Variants in ADAM18 observed in about 807,000 individuals in gnomAD.
ADAM18 encodes the protein ADAM metallopeptidase domain 18.
A neutral mutation model predicts 94.4 loss-of-function variants in ADAM18; 117 were observed. The observed-to-expected ratio is 1.24, with a 90% CI of 1.07 to 1.45. The LOEUF (loss-of-function observed/expected upper bound fraction) is 1.45, where lower values mean the gene tolerates loss of function less well. ADAM18 is among the 40% of genes most tolerant of loss of function. The pLI is 0.00. For missense variants in ADAM18, 936 were observed against 880.0 expected (o/e 1.06, Z -0.81); for synonymous variants, 327 against 291.6 (o/e 1.12, Z -1.24).
intron 10 of ADAM18, among the ~76,000 whole-genome samples, chr8:39,644,066 A>T (rs560607898): frequency 6.6e-6 from 1 of 152,164 alleles, no homozygotes. Context: ...ACATACAAAC[A>T]TGTACACAAT....
At chr8:39,669,316 A>G (rs1432333058) in intron 14 of ADAM18, among the ~76,000 whole-genome samples, 1 of 144,386 alleles carries the variant, frequency 6.9e-6, no homozygotes, top group Non-Finnish European at 1.5e-5. Context: ...TTTTTTTTAA[A>G]TTTTATTATT....
chr8:39,723,508 G>C (rs909016726), intron 18 of ADAM18, among the ~76,000 whole-genome samples: 1 of 151,516 alleles, frequency 6.6e-6, no homozygotes, highest in East Asian at 1.9e-4. Flanking sequence ...TAAGCTGAAT[G>C]CAGCAAACAG....
intron 16 of ADAM18, among the ~76,000 whole-genome samples, chr8:39,686,826 A>G (rs1427539778): frequency 6.6e-6 from 1 of 152,234 alleles, no homozygotes; most frequent in Non-Finnish European, 1.5e-5. Context: ...TTGTTGAACT[A>G]TTAGTTATTG....
chr8:39,648,140 G>A (rs1820435720), intron 11 of ADAM18, among the ~76,000 whole-genome samples: 1 of 152,192 alleles, frequency 6.6e-6, no homozygotes, highest in Non-Finnish European at 1.5e-5. Context: ...TTACCTTGAT[G>A]AGAAAATAGG....
chr8:39,708,671 C>T (rs76120878), intron 18 of ADAM18, among the ~76,000 whole-genome samples: 1 of 152,176 alleles, frequency 6.6e-6, no homozygotes, highest in African/African-American at 2.4e-5. Context: ...GTTCTCAACT[C>T]CTTGCAGGAG....
At chr8:39,662,752 G>A (rs1316671029) in intron 12 of ADAM18, among the ~76,000 whole-genome samples, 1 of 152,148 alleles carries the variant, frequency 6.6e-6, no homozygotes, top group Non-Finnish European at 1.5e-5. Context: ...AGCGTCCTGA[G>A]TAGCTGGGAT....
chr8:39,664,288 G>T (rs969290356), intron 13 of ADAM18, among the ~76,000 whole-genome samples: 2 of 152,072 alleles, frequency 1.3e-5, no homozygotes, highest in East Asian at 3.8e-4. Flanking sequence ...AAACAATACA[G>T]TATAACTATT....
intron 18 of ADAM18, among the ~76,000 whole-genome samples, chr8:39,711,798 G>C (rs1267017108): frequency 6.6e-6 from 1 of 151,918 alleles, no homozygotes; most frequent in Admixed American, 6.6e-5. Context: ...TTCTCATTTT[G>C]TGAGTACCAT....
At chr8:39,601,697 A>G (rs1818908293) in intron 2 of ADAM18, among the ~76,000 whole-genome samples, 1 of 152,242 alleles carries the variant, frequency 6.6e-6, no homozygotes. Context: ...AAGATAAAAT[A>G]TACCACTGTA....
chr8:39,696,597 A>G (rs921446306), intron 17 of ADAM18, among the ~76,000 whole-genome samples: 2 of 151,488 alleles, frequency 1.3e-5, no homozygotes, highest in African/African-American at 2.4e-5. Context: ...ATGGATATAC[A>G]CTTTTCCCAG....
intron 19 of ADAM18, 187 bp downstream of exon 19, chr8:39,724,094 A>G (rs1822835982): frequency 1.2e-5 from 5 of 414,260 alleles, no homozygotes; most frequent in African/African-American, 2.1e-5. Flanking sequence ...AAAATTCTCA[A>G]TGTTCTAGAA....
intron 6 of ADAM18, among the ~76,000 whole-genome samples, chr8:39,626,411 C>T (rs1819770033): frequency 1.3e-5 from 2 of 151,198 alleles, no homozygotes; most frequent in South Asian, 4.2e-4. Flanking sequence ...TTTAAACCTG[C>T]TCCGATCTTT....
chr8:39,661,010 A>C (rs1411082894), intron 12 of ADAM18, among the ~76,000 whole-genome samples: 2 of 151,960 alleles, frequency 1.3e-5, no homozygotes, highest in Middle Eastern at 3.2e-3. Context: ...ATGTTGAACA[A>C]TTTAATTTAT....
At chr8:39,728,317 A>C (rs1323720863) in intron 19 of ADAM18, among the ~76,000 whole-genome samples, 1 of 152,204 alleles carries the variant, frequency 6.6e-6, no homozygotes, top group Non-Finnish European at 1.5e-5. Context: ...AAAATTAAGA[A>C]ATTTAAATAA....
At chr8:39,627,164 A>T (rs1819793864) in intron 6 of ADAM18, among the ~76,000 whole-genome samples, 1 of 152,152 alleles carries the variant, frequency 6.6e-6, no homozygotes. Flanking sequence ...ACTGCTGATA[A>T]AGACATACCC....
chr8:39,663,857 T>A lies in ADAM18; in HGVS notation c.1293T>A (p.Cys431Ter). ...NTCKLKGSVK[C>*]GSGPCCTSKC... is the part of the protein sequence containing the mutation. ...GTAAACTGAAGGGCTCAGTAAAATG[T>A]GGTTCTGGACCATGTTGTACATCAA... Residue 431 changes from cysteine (C) to a stop codon, truncating the protein, a stop_gained, in exon 13 of 20, where the codon TGT (cysteine) becomes TGA (stop). Coordinates refer to ENST00000265707, the MANE Select transcript of ADAM18 (RefSeq NM_014237.3). LOFTEE classifies it high-confidence loss of function. 10 of 1,612,380 alleles carry A rather than the reference T, an allele frequency of 6.2e-6. No homozygotes were observed. The highest frequency in any genetic ancestry group is 7.6e-6 in the Non-Finnish European group (9 of 1,179,576).
At chr8:39,704,385 G>C (rs2129581247) in intron 17 of ADAM18, among the ~76,000 whole-genome samples, 1 of 152,180 alleles carries the variant, frequency 6.6e-6, no homozygotes, top group South Asian at 2.1e-4. Context: ...TCATCTCCAG[G>C]ATGCAAGGTT....
At chr8:39,633,389 C>T (rs1425574532) in intron 7 of ADAM18, among the ~76,000 whole-genome samples, 3 of 152,102 alleles carry the variant, frequency 2.0e-5, no homozygotes, top group Non-Finnish European at 2.9e-5. Context: ...CTGATGAGAG[C>T]TCATAAGAAG....
chr8:39,720,850 A>G (rs899896169), intron 18 of ADAM18, among the ~76,000 whole-genome samples: 12 of 151,418 alleles, frequency 7.9e-5, no homozygotes, highest in Non-Finnish European at 1.8e-4. Flanking sequence ...GGGAATATGC[A>G]AGCATTGACA....
Sources: gnomAD v4.1 joint callset for allele counts (sites outside exome capture counted in the v4.1 genomes callset) on GRCh38, gnomAD v4.1.1 for gene constraint, MANE v1.5 for transcripts, NCBI Gene and HGNC (gene_info 2026-07-23, HGNC 2026-07-21) for gene names.